SLC60A2: variants seen among roughly 807,000 people sequenced by gnomAD.
SLC60A2 encodes solute carrier family 60 member 2, also known as major facilitator superfamily domain containing 4B.
At chr6:111,270,142 CT>C in the SLC60A2 span, 1 of 152,262 alleles carries the variant, frequency 6.6e-6, no homozygotes, top group East Asian at 1.9e-4. Context: ...ACAGATGCCT[CT>C]CACAACATGG....
chr6:111,266,583 G>A, the SLC60A2 span: 1 of 1,614,194 alleles, frequency 6.2e-7, no homozygotes, highest in Non-Finnish European at 8.5e-7. Context: ...TCCGAGTGGT[G>A]TTTCTTGGAT....
At chr6:111,266,964 A>G in the SLC60A2 span, 23 of 1,614,104 alleles carry the variant, frequency 1.4e-5, no homozygotes, top group African/African-American at 2.7e-5. Context: ...GCATTCTATA[A>G]TAGAGACATC....
At chr6:111,272,829 A>G in the SLC60A2 span, among the ~76,000 whole-genome samples, 2 of 151,452 alleles carry the variant, frequency 1.3e-5, no homozygotes, top group African/African-American at 4.9e-5. Context: ...AACTGTATAT[A>G]TATATGTGTA....
chr6:111,262,235 C>CT, the SLC60A2 span: 1 of 1,596,130 alleles, frequency 6.3e-7, no homozygotes, highest in Non-Finnish European at 8.6e-7. Flanking sequence ...TAAGTAAAAA[C>CT]TTTTGTCTTT....
At chr6:111,263,972 CTG>C in the SLC60A2 span, 1 of 1,196,578 alleles carries the variant, frequency 8.4e-7, no homozygotes, top group Non-Finnish European at 1.2e-6. Context: ...AACGTCATCT[CTG>C]GGAGTAGGGA....
chr6:111,264,066 T>A, the SLC60A2 span: 1 of 558,902 alleles, frequency 1.8e-6, no homozygotes. Flanking sequence ...CTGAGTTGGT[T>A]GTGAGTCACT....
the SLC60A2 span, among the ~76,000 whole-genome samples, chr6:111,277,744 C>T: frequency 6.6e-6 from 1 of 152,146 alleles, no homozygotes; most frequent in East Asian, 1.9e-4. Context: ...ATTTCTAGTA[C>T]TTGTCTATGT....
At chr6:111,267,779 C>G in the SLC60A2 span, 5 of 152,202 alleles carry the variant, frequency 3.3e-5, no homozygotes. Flanking sequence ...CGAGATCATG[C>G]CACACCGTAC....
At chr6:111,259,484 G>A in the SLC60A2 span, 1 of 489,486 alleles carries the variant, frequency 2.0e-6, no homozygotes, top group Non-Finnish European at 3.6e-6. Flanking sequence ...CGGAGCTCCA[G>A]AAGTTCTGCT....
the SLC60A2 span, chr6:111,270,368 G>C: frequency 1.3e-5 from 2 of 152,090 alleles, no homozygotes; most frequent in East Asian, 1.9e-4. Context: ...CTGCAGAATA[G>C]AGATTCTCAA....
the SLC60A2 span, chr6:111,259,545 T>G: frequency 6.4e-6 from 4 of 627,974 alleles, no homozygotes; most frequent in Non-Finnish European, 7.7e-6. Context: ...CGAGCTGGAG[T>G]TAGAGGTGGA....
the SLC60A2 span, chr6:111,262,442 T>A: frequency 6.3e-7 from 1 of 1,596,660 alleles, no homozygotes; most frequent in Non-Finnish European, 8.6e-7. Flanking sequence ...AAATGCTAAT[T>A]TTAGCTTCTT....
the SLC60A2 span, among the ~76,000 whole-genome samples, chr6:111,276,785 CCT>C: frequency 2.0e-5 from 3 of 152,214 alleles, no homozygotes. Context: ...CTGCTCTCTG[CCT>C]CTCTCACAGC....
the SLC60A2 span, among the ~76,000 whole-genome samples, chr6:111,279,265 CTT>C: frequency 1.3e-4 from 18 of 135,568 alleles, no homozygotes; most frequent in Non-Finnish European, 1.1e-4. Context: ...TTCTTTCTTT[CTT>C]TTTTTTTTTT....
chr6:111,262,468 A>G, the SLC60A2 span: 1 of 1,541,794 alleles, frequency 6.5e-7, no homozygotes, highest in Non-Finnish European at 8.9e-7. Context: ...CTGTCAAGTG[A>G]ATTTACAAGT....
chr6:111,263,991 A>G, the SLC60A2 span: 12 of 1,006,104 alleles, frequency 1.2e-5, no homozygotes, highest in South Asian at 7.9e-5. Flanking sequence ...GGGACTTGCT[A>G]GAAGAAGTAC....
the SLC60A2 span, chr6:111,262,557 C>A: frequency 1.3e-6 from 1 of 776,430 alleles, no homozygotes; most frequent in Non-Finnish European, 2.1e-6. Context: ...TCCTCAATGG[C>A]AGTTGAGTTT....
At chr6:111,279,220 T>C in the SLC60A2 span, among the ~76,000 whole-genome samples, 14 of 152,116 alleles carry the variant, frequency 9.2e-5, 1 homozygote, top group Non-Finnish European at 1.5e-5. Flanking sequence ...GATTAAGTTA[T>C]GCCACTTTTG....
At chr6:111,269,566 C>G in the SLC60A2 span, 2 of 152,202 alleles carry the variant, frequency 1.3e-5, no homozygotes, top group Admixed American at 6.5e-5. Flanking sequence ...GCTTCACTTA[C>G]TGCCTTTTCT....
Sources: gnomAD v4.1 joint callset for allele counts (sites outside exome capture counted in the v4.1 genomes callset) on GRCh38, gnomAD v4.1.1 for gene constraint, MANE v1.5 for transcripts, NCBI Gene and HGNC (gene_info 2026-07-23, HGNC 2026-07-21) for gene names.